Variants in BCKDHB observed in about 807,000 individuals in gnomAD.
The protein encoded by BCKDHB is branched chain keto acid dehydrogenase E1 subunit beta.
In BCKDHB, 41 loss-of-function variants were observed where a neutral mutation model predicts 48.5. The ratio of observed to expected loss-of-function variants is 0.85; its 90% CI spans 0.66 to 1.10. The LOEUF (loss-of-function observed/expected upper bound fraction) is 1.10, where lower values mean the gene tolerates loss of function less well. Among genes scored for constraint, BCKDHB ranks in the 50% least tolerant of loss-of-function variants. BCKDHB has a pLI of 0.00. For missense variants in BCKDHB, 496 were observed against 494.2 expected (o/e 1.00, Z -0.03); for synonymous variants, 201 against 174.8 (o/e 1.15, Z -1.18).
At chr6:80,150,550 C>CTTTTTTTTTTTTTTTTTTTTTTTTTTT (rs758701261) in intron 3 of BCKDHB, among the ~76,000 whole-genome samples, 1 of 105,466 alleles carries the variant, frequency 9.5e-6, no homozygotes, top group Non-Finnish European at 1.8e-5. Context: ...AGTTTGTCAT[C>CTTTTTTTTTTTTTTTTTTTTTTTTTTT]TTTTTTTTTT....
chr6:80,354,231 ATTTATTTATTTT>A, the BCKDHB span, among the ~76,000 whole-genome samples: 3 of 150,812 alleles, frequency 2.0e-5, no homozygotes, highest in African/African-American at 4.9e-5. Flanking sequence ...TTATTTATTT[ATTTATTTATTTT>A]TTTATACAGA....
chr6:80,466,426 G>A, the BCKDHB span, among the ~76,000 whole-genome samples: 1 of 152,138 alleles, frequency 6.6e-6, no homozygotes, highest in African/African-American at 2.4e-5. Context: ...GTAAGTAAAT[G>A]CTGACACCTT....
intron 9 of BCKDHB, chr6:80,307,944 A>G: frequency 3.1e-6 from 3 of 965,518 alleles, no homozygotes; most frequent in South Asian, 4.8e-5. Context: ...ATTTTATTCA[A>G]TTTAATCTAG....
chr6:80,230,378 T>C (rs1480064087), intron 8 of BCKDHB, among the ~76,000 whole-genome samples: 4 of 151,978 alleles, frequency 2.6e-5, no homozygotes, highest in Non-Finnish European at 4.4e-5. Flanking sequence ...AAACTATATA[T>C]AAAAAATACA....
intron 5 of BCKDHB, among the ~76,000 whole-genome samples, chr6:80,170,394 C>A (rs530130790): frequency 1.3e-5 from 2 of 152,206 alleles, no homozygotes; most frequent in East Asian, 1.9e-4. Context: ...CAATTATAAT[C>A]ATTTAAAATT....
intron 5 of BCKDHB, chr6:80,170,026 C>A (rs967725809): frequency 8.0e-6 from 6 of 753,108 alleles, no homozygotes; most frequent in Non-Finnish European, 8.1e-6. Context: ...CCTTCATTTT[C>A]TTTCTTCCTC....
rs1770198162 is a variant in BCKDHB, at chr6:80,124,081, T to C, written c.197-3466T>C. Among the ~76,000 whole-genome samples the C allele has an allele frequency of 2.0e-5, 3 of 152,356 alleles. No homozygotes were observed. In the South Asian group the frequency reaches 6.2e-4, roughly 32 times the overall value. On this transcript the variant is annotated intron_variant, in intron 1 of 9. Coordinates refer to ENST00000320393, the MANE Select transcript of BCKDHB (RefSeq NM_183050.4). ...TGCTTTAAATGTGTCCCAGAGATTCTGGTACGTTGTGTCTTTGCTCTCATT... is the reference window on the plus strand; with the variant it reads ...TGCTTTAAATGTGTCCCAGAGATTCCGGTACGTTGTGTCTTTGCTCTCATT...
chr6:80,254,499 C>A (rs1776967440), intron 8 of BCKDHB, among the ~76,000 whole-genome samples: 2 of 151,872 alleles, frequency 1.3e-5, no homozygotes, highest in Admixed American at 1.3e-4. Flanking sequence ...GGTTCAAGAC[C>A]AGCCCAGGCA....
intron 8 of BCKDHB, among the ~76,000 whole-genome samples, chr6:80,231,505 A>G (rs1189685313): frequency 6.6e-6 from 1 of 152,154 alleles, no homozygotes; most frequent in Non-Finnish European, 1.5e-5. Flanking sequence ...ACCTAGTAAA[A>G]ACAGGGCAAA....
At chr6:80,168,757 AAAGACTCATTGTGCCTT>A in intron 4 of BCKDHB, 101 bp from the exon 5 acceptor site, 2 of 1,049,432 alleles carry the variant, frequency 1.9e-6, no homozygotes, top group Non-Finnish European at 2.7e-6. Flanking sequence ...GGAGGGAGGG[AAAGACTCATTGTGCCTT>A]GGGAAGGGAA....
chr6:80,318,103 T>G (rs768058947), intron 9 of BCKDHB, among the ~76,000 whole-genome samples: 1 of 152,204 alleles, frequency 6.6e-6, no homozygotes, highest in African/African-American at 2.4e-5. Flanking sequence ...ATCCACAACC[T>G]TATCATTCCC....
intron 9 of BCKDHB, among the ~76,000 whole-genome samples, chr6:80,322,677 G>C (rs544414860): frequency 6.6e-6 from 1 of 152,158 alleles, no homozygotes; most frequent in East Asian, 1.9e-4. Context: ...ACAAAAGAAG[G>C]ACTTTAAAGT....
At chr6:80,321,611 G>A (rs962375544) in intron 9 of BCKDHB, among the ~76,000 whole-genome samples, 24 of 151,944 alleles carry the variant, frequency 1.6e-4, no homozygotes, top group Non-Finnish European at 2.5e-4. Flanking sequence ...CTTATTTTTC[G>A]TGAATCCACT....
intron 9 of BCKDHB, among the ~76,000 whole-genome samples, chr6:80,298,100 T>C (rs1249154188): frequency 1.3e-5 from 2 of 152,078 alleles, no homozygotes; most frequent in South Asian, 2.1e-4. Flanking sequence ...CTTTAAAAAA[T>C]GCCCTTTTAA....
At chr6:80,222,794 T>C (rs1562150310) in intron 8 of BCKDHB, among the ~76,000 whole-genome samples, 1 of 152,232 alleles carries the variant, frequency 6.6e-6, no homozygotes, top group Admixed American at 6.5e-5. Flanking sequence ...AGAAGACTTC[T>C]AAGCAGCTTG....
chr6:80,260,830 T>C (rs1562183687), intron 8 of BCKDHB, among the ~76,000 whole-genome samples: 1 of 152,186 alleles, frequency 6.6e-6, no homozygotes, highest in Non-Finnish European at 1.5e-5. Context: ...GTGTATAATT[T>C]TGTGGGCAAA....
intron 6 of BCKDHB, among the ~76,000 whole-genome samples, chr6:80,200,063 C>CAAA (rs55737130): frequency 6.1e-4 from 20 of 32,738 alleles, no homozygotes; most frequent in East Asian, 1.1e-3. Flanking sequence ...GACCCTGTCT[C>CAAA]AAAAAAAAAA....
chr6:80,367,765 A>G, the BCKDHB span, among the ~76,000 whole-genome samples: 2 of 152,212 alleles, frequency 1.3e-5, no homozygotes, highest in African/African-American at 4.8e-5. Flanking sequence ...CTGAACTCCC[A>G]TGCATTGTGA....
At chr6:80,423,431 A>G in the BCKDHB span, among the ~76,000 whole-genome samples, 7 of 152,192 alleles carry the variant, frequency 4.6e-5, no homozygotes, top group African/African-American at 1.7e-4. Flanking sequence ...TTTCTCTTGA[A>G]GGCGATATGG....
Sources: allele counts gnomAD v4.1 joint callset (sites outside exome capture counted in the v4.1 genomes callset), GRCh38; gene constraint gnomAD v4.1.1; transcripts MANE v1.5; gene names NCBI Gene and HGNC (gene_info 2026-07-23, HGNC 2026-07-21).